MYO3B: variants seen among roughly 807,000 people sequenced by gnomAD.
MYO3B encodes myosin-IIIb.
MYO3B carries 156 observed loss-of-function variants against 174.6 expected under a neutral mutation model. The ratio of observed to expected loss-of-function variants is 0.89; its 90% CI spans 0.78 to 1.02. The LOEUF is 1.02. Ranked by LOEUF, MYO3B falls within the 50% of genes least tolerant of loss-of-function variation. The pLI, the probability that MYO3B is intolerant of heterozygous loss-of-function variation, is 0.00. For missense variants in MYO3B, 1,632 were observed against 1,639.4 expected, an observed-to-expected ratio of 1.00 and a Z score of 0.08; for synonymous variants, 563 against 569.1, an observed-to-expected ratio of 0.99 and a Z score of 0.15.
At chr2:170,379,401 G>A (rs745322721) in intron 9 of MYO3B, among the ~76,000 whole-genome samples, 1 of 152,104 alleles carries the variant, frequency 6.6e-6, no homozygotes. Flanking sequence ...CACCATGTTG[G>A]CCAGGATGGT....
intron 7 of MYO3B, among the ~76,000 whole-genome samples, chr2:170,315,924 T>C (rs1374474544): frequency 2.0e-5 from 3 of 152,194 alleles, no homozygotes; most frequent in African/African-American, 7.2e-5. Flanking sequence ...CTGACAGATA[T>C]CTGGAAAAAA....
intron 32 of MYO3B, among the ~76,000 whole-genome samples, chr2:170,651,046 G>A (rs1575349944): frequency 6.6e-6 from 1 of 152,100 alleles, no homozygotes; most frequent in Non-Finnish European, 1.5e-5. Flanking sequence ...GGGAGAGACT[G>A]CTTCATGTAA....
intron 32 of MYO3B, among the ~76,000 whole-genome samples, chr2:170,637,679 G>A (rs1697634376): frequency 6.6e-6 from 1 of 152,158 alleles, no homozygotes; most frequent in South Asian, 2.1e-4. Flanking sequence ...AAGAAATTTG[G>A]TAGTTCTCTG....
intron 32 of MYO3B, among the ~76,000 whole-genome samples, chr2:170,582,615 C>T (rs1464354369): frequency 6.6e-6 from 1 of 152,140 alleles, no homozygotes; most frequent in African/African-American, 2.4e-5. Flanking sequence ...ACCTTCCTTT[C>T]TGCCACTTTG....
At chr2:170,279,635 G>C (rs992618082) in intron 7 of MYO3B, among the ~76,000 whole-genome samples, 2 of 151,954 alleles carry the variant, frequency 1.3e-5, no homozygotes, top group Non-Finnish European at 2.9e-5. Flanking sequence ...CCCTCAAGTA[G>C]GCCTCAGTGT....
chr2:170,342,314 T>C (rs2093982024), intron 8 of MYO3B: 1 of 152,206 alleles, frequency 6.6e-6, no homozygotes, highest in African/African-American at 2.4e-5. Flanking sequence ...AAAATTACAC[T>C]TGATTTTCAT....
intron 1 of MYO3B, chr2:170,180,033 C>A: frequency 4.5e-6 from 1 of 220,540 alleles, no homozygotes; most frequent in Non-Finnish European, 1.0e-5. Flanking sequence ...TTCTGAATAG[C>A]ATACTGAGCA....
At chr2:170,472,473 G>A (rs1374981818) in intron 25 of MYO3B, among the ~76,000 whole-genome samples, 1 of 152,102 alleles carries the variant, frequency 6.6e-6, no homozygotes, top group African/African-American at 2.4e-5. Flanking sequence ...TCTTAGCCAA[G>A]CTAAATCCTA....
chr2:170,504,501 C>T (rs745785293), intron 28 of MYO3B, among the ~76,000 whole-genome samples: 5 of 152,200 alleles, frequency 3.3e-5, no homozygotes, highest in Non-Finnish European at 7.3e-5. Flanking sequence ...TCAGAATTCC[C>T]GATCTATTAC....
At chr2:170,466,786 T>C (rs1684667598) in intron 25 of MYO3B, 75 bp downstream of exon 25, 5 of 1,462,066 alleles carry the variant, frequency 3.4e-6, no homozygotes, top group Non-Finnish European at 4.7e-6. Flanking sequence ...CCTAAGATTG[T>C]TCCTCCTGCG....
chr2:170,651,842 T>G, intron 33 of MYO3B, 108 bp downstream of exon 33: 1 of 552,582 alleles, frequency 1.8e-6, no homozygotes, highest in Non-Finnish European at 3.0e-6. Flanking sequence ...ACCCTCATGC[T>G]CTCGTCTTGA....
intron 25 of MYO3B, among the ~76,000 whole-genome samples, chr2:170,487,613 T>G (rs1034955747): frequency 1.3e-5 from 2 of 152,206 alleles, no homozygotes; most frequent in African/African-American, 2.4e-5. Flanking sequence ...AAAAAAATGT[T>G]TCAGTCTGTG....
intron 21 of MYO3B, 61 bp downstream of exon 21, chr2:170,405,694 C>A: frequency 7.8e-7 from 1 of 1,282,904 alleles, no homozygotes; most frequent in African/African-American, 1.5e-5. Context: ...TCTGTATTAC[C>A]CTGTCTGTGC....
intron 32 of MYO3B, among the ~76,000 whole-genome samples, chr2:170,631,130 G>A (rs572931759): frequency 4.6e-5 from 7 of 152,172 alleles, no homozygotes; most frequent in Admixed American, 2.0e-4. Flanking sequence ...CGAACCCATC[G>A]CAAAGAAGTT....
chr2:170,438,004 AC>A (rs2094768674), intron 22 of MYO3B, among the ~76,000 whole-genome samples: 1 of 152,312 alleles, frequency 6.6e-6, no homozygotes, highest in South Asian at 2.1e-4. Context: ...AAATATGTGC[AC>A]AGTTTTGCAC....
chr2:170,383,581 C>G (rs973211171), intron 11 of MYO3B, 129 bp from the exon 12 acceptor site: 1 of 695,246 alleles, frequency 1.4e-6, no homozygotes, highest in African/African-American at 1.8e-5. Flanking sequence ...GGCTCCAGAA[C>G]CTATACCCTA....
intron 20 of MYO3B, 151 bp downstream of exon 20, chr2:170,404,551 G>A (rs964001420): frequency 4.0e-6 from 3 of 756,266 alleles, no homozygotes; most frequent in Admixed American, 3.4e-5. Flanking sequence ...GAATTGAAGT[G>A]TTGTGGTAGA....
intron 8 of MYO3B, among the ~76,000 whole-genome samples, chr2:170,366,256 T>G (rs2094197394): frequency 6.6e-6 from 1 of 152,168 alleles, no homozygotes; most frequent in Non-Finnish European, 1.5e-5. Flanking sequence ...ACTTCAGTCT[T>G]TCTTTCTTAC....
At chr2:170,427,953 A>G (rs1451896375) in intron 22 of MYO3B, among the ~76,000 whole-genome samples, 2 of 152,244 alleles carry the variant, frequency 1.3e-5, no homozygotes, top group African/African-American at 4.8e-5. Context: ...AAACAGAAGC[A>G]TAATGTTTTA....
Sources: allele counts gnomAD v4.1 joint callset (sites outside exome capture counted in the v4.1 genomes callset), GRCh38; gene constraint gnomAD v4.1.1; transcripts MANE v1.5; gene names NCBI Gene and HGNC (gene_info 2026-07-23, HGNC 2026-07-21).